TAFA5: variants seen among roughly 807,000 people sequenced by gnomAD.
The protein encoded by TAFA5 is chemokine-like protein TAFA-5.
In TAFA5, 6 loss-of-function variants were observed where a neutral mutation model predicts 15.3. That is an observed-to-expected ratio of 0.39 (90% CI 0.21 to 0.77). TAFA5 has a LOEUF of 0.77. TAFA5 is among the 30% of genes least tolerant of loss of function. TAFA5 has a pLI of 0.41. For missense variants in TAFA5, 161 were observed against 193.1 expected, an observed-to-expected ratio of 0.83 and a Z score of 0.98; for synonymous variants, 103 against 80.7, an observed-to-expected ratio of 1.28 and a Z score of -1.48.
chr22:48,679,910 C>G (rs1352011582), intron 2 of TAFA5, among the ~76,000 whole-genome samples: 1 of 152,242 alleles, frequency 6.6e-6, no homozygotes, highest in Non-Finnish European at 1.5e-5. Flanking sequence ...CAGTGGTGAC[C>G]AAGTCCACCC....
intron 1 of TAFA5, among the ~76,000 whole-genome samples, chr22:48,564,848 C>T (rs1052759378): frequency 2.0e-5 from 3 of 152,228 alleles, no homozygotes; most frequent in Non-Finnish European, 4.4e-5. Context: ...GGACAGCTAC[C>T]CCATGGTGGG....
chr22:48,638,275 A>C (rs1601633761), intron 1 of TAFA5, among the ~76,000 whole-genome samples: 3 of 147,054 alleles, frequency 2.0e-5, no homozygotes, highest in Non-Finnish European at 4.5e-5. Context: ...CACAGGCAAT[A>C]CCCCTCCCCT....
chr22:48,523,581 T>C (rs1356270545), intron 1 of TAFA5, among the ~76,000 whole-genome samples: 1 of 152,192 alleles, frequency 6.6e-6, no homozygotes, highest in Admixed American at 6.5e-5. Flanking sequence ...TCCCAGGTGC[T>C]GCTCCTAGGC....
At chr22:48,508,967 C>T (rs1307596433) in intron 1 of TAFA5, among the ~76,000 whole-genome samples, 1 of 152,212 alleles carries the variant, frequency 6.6e-6, no homozygotes, top group Non-Finnish European at 1.5e-5. Context: ...TCCCTAGCCT[C>T]CTCCCCTCTC....
chr22:48,744,648 C>T (rs1412814621), intron 3 of TAFA5, among the ~76,000 whole-genome samples: 1 of 152,174 alleles, frequency 6.6e-6, no homozygotes, highest in South Asian at 2.1e-4. Context: ...GCTCTTCCGG[C>T]GACACGGTCC....
chr22:48,546,392 C>A, intron 1 of TAFA5: 1 of 438,022 alleles, frequency 2.3e-6, no homozygotes, highest in Non-Finnish European at 4.8e-6. Flanking sequence ...CTGTGCTGAG[C>A]ACTGGATGGC....
intron 2 of TAFA5, among the ~76,000 whole-genome samples, chr22:48,646,977 G>A (rs1007300313): frequency 1.3e-5 from 2 of 152,186 alleles, no homozygotes; most frequent in Non-Finnish European, 2.9e-5. Flanking sequence ...GGAGATGCCG[G>A]TGCCCTGCCT....
intron 1 of TAFA5, among the ~76,000 whole-genome samples, chr22:48,579,880 G>A (rs1339982416): frequency 1.3e-5 from 2 of 152,198 alleles, no homozygotes; most frequent in African/African-American, 4.8e-5. Context: ...GAAATCATTC[G>A]GCCCGATCCT....
At chr22:48,496,708 G>T (rs1928337460) in intron 1 of TAFA5, among the ~76,000 whole-genome samples, 1 of 152,176 alleles carries the variant, frequency 6.6e-6, no homozygotes, top group South Asian at 2.1e-4. Flanking sequence ...GTCCTGGTTT[G>T]CAGGTGCACC....
At chr22:48,735,250 C>G (rs371707574) in intron 3 of TAFA5, among the ~76,000 whole-genome samples, 1 of 152,196 alleles carries the variant, frequency 6.6e-6, no homozygotes, top group Non-Finnish European at 1.5e-5. Context: ...CTCTAGCCAC[C>G]CCGACTGACC....
chr22:48,531,080 T>C (rs1371125363), intron 1 of TAFA5, among the ~76,000 whole-genome samples: 1 of 152,204 alleles, frequency 6.6e-6, no homozygotes, highest in East Asian at 1.9e-4. Context: ...GTGGCTGGGG[T>C]AGCCAGGAGC....
At chr22:48,547,223 C>T (rs1922706340) in intron 1 of TAFA5, 1 of 152,328 alleles carries the variant, frequency 6.6e-6, no homozygotes. Context: ...GGGAGCTCAC[C>T]TCGGCTCCCC....
chr22:48,691,830 T>C (rs1928552649), intron 2 of TAFA5, among the ~76,000 whole-genome samples: 1 of 152,076 alleles, frequency 6.6e-6, no homozygotes, highest in Non-Finnish European at 1.5e-5. Context: ...CTGTGGAGAC[T>C]CGGGCCCCAA....
chr22:48,673,523 G>T (rs148991180), intron 2 of TAFA5, among the ~76,000 whole-genome samples: 38 of 152,314 alleles, frequency 2.5e-4, no homozygotes, highest in African/African-American at 8.9e-4. Flanking sequence ...GTTGGGCTCT[G>T]CTGGCCAGGA....
intron 1 of TAFA5, chr22:48,576,517 G>A: frequency 1.3e-6 from 2 of 1,514,126 alleles, no homozygotes; most frequent in African/African-American, 1.4e-5. Context: ...ACTGGCAGGG[G>A]CCGCGCTCTG....
intron 1 of TAFA5, among the ~76,000 whole-genome samples, chr22:48,632,123 G>C (rs1389994871): frequency 6.6e-6 from 1 of 152,196 alleles, no homozygotes; most frequent in Non-Finnish European, 1.5e-5. Flanking sequence ...CCTGGGAGTT[G>C]GGAGCGGCTG....
chr22:48,564,237 GA>G (rs1923335105), intron 1 of TAFA5, among the ~76,000 whole-genome samples: 1 of 152,258 alleles, frequency 6.6e-6, no homozygotes. Context: ...AGGATGGCAG[GA>G]AGCTTGTGGC....
chr22:48,592,329 G>T (rs1331687599), intron 1 of TAFA5, among the ~76,000 whole-genome samples: 3 of 152,240 alleles, frequency 2.0e-5, no homozygotes, highest in Non-Finnish European at 2.9e-5. Flanking sequence ...CCTTGCTGGT[G>T]TGTGACCTGG....
At chr22:48,516,848 T>C (rs780499539) in intron 1 of TAFA5, among the ~76,000 whole-genome samples, 5 of 152,184 alleles carry the variant, frequency 3.3e-5, no homozygotes, top group Non-Finnish European at 5.9e-5. Flanking sequence ...CAGGCAGTGC[T>C]TGATGGGGAG....
Sources: gnomAD v4.1 joint callset for allele counts (sites outside exome capture counted in the v4.1 genomes callset) on GRCh38, gnomAD v4.1.1 for gene constraint, MANE v1.5 for transcripts, NCBI Gene and HGNC (gene_info 2026-07-23, HGNC 2026-07-21) for gene names.